The following SLC5A1 variants were observed in gnomAD, a reference collection of about 807,000 sequenced individuals.
SLC5A1 encodes solute carrier family 5 member 1.
In SLC5A1, 42 loss-of-function variants were observed where a neutral mutation model predicts 73.5. The ratio of observed to expected loss-of-function variants is 0.57; its 90% CI spans 0.45 to 0.74. SLC5A1 has a LOEUF of 0.74. Among genes scored for constraint, SLC5A1 ranks in the 30% least tolerant of loss-of-function variants. The probability of loss-of-function intolerance (pLI) is 0.00; values close to 1 mark genes in which losing one functional copy is unlikely to be tolerated. For synonymous variants in SLC5A1, 300 were observed against 317.4 expected, an observed-to-expected ratio of 0.95 and a Z score of 0.58; for missense variants, 634 against 855.4, an observed-to-expected ratio of 0.74 and a Z score of 3.23.
chr22:32,083,594 G>A (rs1235833423), intron 7 of SLC5A1, among the ~76,000 whole-genome samples: 1 of 151,778 alleles, frequency 6.6e-6, no homozygotes, highest in Non-Finnish European at 1.5e-5. Context: ...GATAGTGGGT[G>A]ATAATGTTCC....
At chr22:32,105,379 C>T (rs960572426) in intron 14 of SLC5A1, among the ~76,000 whole-genome samples, 1 of 151,312 alleles carries the variant, frequency 6.6e-6, no homozygotes, top group Non-Finnish European at 1.5e-5. Flanking sequence ...CTGCAACCTC[C>T]ACCTCCTGGG....
chr22:32,107,560 A>T (rs2094048524), intron 14 of SLC5A1, among the ~76,000 whole-genome samples: 2 of 152,232 alleles, frequency 1.3e-5, no homozygotes, highest in African/African-American at 2.4e-5. Flanking sequence ...CTCTGCTGTA[A>T]GAATTGTCTA....
chr22:32,056,942 A>G (rs1287944664), intron 2 of SLC5A1, among the ~76,000 whole-genome samples: 8 of 152,232 alleles, frequency 5.3e-5, no homozygotes, highest in African/African-American at 1.9e-4. Flanking sequence ...TTTGTGGAGC[A>G]AAACTTTCTT....
At chr22:32,071,808 T>C (rs1331783443) in intron 5 of SLC5A1, among the ~76,000 whole-genome samples, 1 of 152,148 alleles carries the variant, frequency 6.6e-6, no homozygotes, top group Non-Finnish European at 1.5e-5. Context: ...TCTAGCTAGG[T>C]AGGGTTCTGA....
At chr22:32,066,107 T>C (rs2093972564) in intron 2 of SLC5A1, among the ~76,000 whole-genome samples, 1 of 152,230 alleles carries the variant, frequency 6.6e-6, no homozygotes, top group Non-Finnish European at 1.5e-5. Flanking sequence ...GATCCCTCTC[T>C]TGCTTTACCT....
intron 2 of SLC5A1, among the ~76,000 whole-genome samples, chr22:32,058,330 T>G (rs921952165): frequency 6.6e-6 from 1 of 152,226 alleles, no homozygotes; most frequent in Non-Finnish European, 1.5e-5. Context: ...GAGACCAGCC[T>G]AGTCAATATA....
chr22:32,110,475 G>C lies in SLC5A1; in HGVS notation c.*262G>C, dbSNP rs200580448. 3.8e-6 allele frequency: 2 copies of C among 523,410 alleles called. No homozygotes were observed. Among genetic ancestry groups the C allele is most frequent in the Non-Finnish European group, 6.9e-6 (2 of 288,002 alleles). The allele number at this position is 523,410 out of a possible 1,614,324, so 32.4% of individuals were successfully genotyped here. On this transcript the variant is annotated 3_prime_UTR_variant, in exon 15 of 15. Coordinates refer to ENST00000266088, the MANE Select transcript of SLC5A1 (RefSeq NM_000343.4). ...ACTCAGTCACATCCAGAAAAAGGCA[G>C]ACTAAGAATCAGAAGCCATGTGATT...
intron 9 of SLC5A1, among the ~76,000 whole-genome samples, chr22:32,085,440 T>A (rs1205044657): frequency 1.3e-5 from 2 of 152,128 alleles, no homozygotes; most frequent in Non-Finnish European, 2.9e-5. Context: ...TCTTTATTTG[T>A]TATGGTCATA....
chr22:32,088,400 G>A (rs566643241), intron 10 of SLC5A1, among the ~76,000 whole-genome samples: 23 of 148,198 alleles, frequency 1.6e-4, no homozygotes, highest in African/African-American at 5.7e-4. Context: ...GCAATGGCGT[G>A]ATCTCAGCTC....
intron 10 of SLC5A1, among the ~76,000 whole-genome samples, chr22:32,087,090 C>T (rs1003567021): frequency 1.3e-5 from 2 of 152,106 alleles, no homozygotes; most frequent in East Asian, 3.9e-4. Flanking sequence ...ATGGTGGTTA[C>T]TAGGGGTTGG....
chr22:32,102,035 G>A lies in SLC5A1; in HGVS notation c.1463G>A (p.Gly488Glu), dbSNP rs1335020571. The change falls in exon 13 of 15, where the codon GGA (glycine) becomes GAA (glutamate). Residue 488 changes from glycine to glutamate, a missense_variant. Coordinates refer to ENST00000266088, the MANE Select transcript of SLC5A1 (RefSeq NM_000343.4). ...KRVNEPGAFWGLILGLLIGIS... is the reference protein window; with the variant it reads ...KRVNEPGAFWELILGLLIGIS... ...TTTCTTTCACAGGGAGCCTTTTGGG[G>A]ACTGATCCTAGGACTTCTGATTGGG... 4.3e-6 allele frequency: 7 copies of A among 1,613,826 alleles called. No individual in the cohort carries two copies. Among genetic ancestry groups the A allele is most frequent in the Non-Finnish European group, 5.9e-6 (7 of 1,179,890 alleles).
chr22:32,108,292 G>A (rs923078280), intron 14 of SLC5A1, among the ~76,000 whole-genome samples: 3 of 151,876 alleles, frequency 2.0e-5, no homozygotes, highest in Non-Finnish European at 2.9e-5. Context: ...TAGTAGAGAC[G>A]GAGCTTCACC....
rs187892652 is a variant in SLC5A1 at position 32,048,922 on chromosome 22, T to G, written c.136-1021T>G. Among the ~76,000 whole-genome samples, 9 of 151,618 alleles carry G rather than the reference T, an allele frequency of 5.9e-5. No individual in the cohort carries two copies. The East Asian group carries it at 1.6e-3, about 26-fold the overall frequency. On this transcript the variant is annotated intron_variant, in intron 1 of 14. Transcript: ENST00000266088. Reference sequence around the variant, plus strand: ...CAGTCTCTACTAAAAATACAAAAATTAGCTGGGCGTAGTAGCACATGCCTG... The same window carrying G: ...CAGTCTCTACTAAAAATACAAAAATGAGCTGGGCGTAGTAGCACATGCCTG...
At position 32,074,370 on chromosome 22, in the gene SLC5A1, A is replaced by T. The variant is rs187884170; in HGVS notation, c.477+5770A>T. ...TGAGGGACAGCCTCTTTCAGCTCAG[A>T]TCTGGATGGAGCCCATCCCCGAGGA... On this transcript the variant is annotated intron_variant, in intron 5 of 14. Transcript: ENST00000266088. Among the ~76,000 whole-genome samples, 414 of 152,318 alleles carry T rather than the reference A, an allele frequency of 2.7e-3. 3 individuals are homozygous for T. The highest frequency in any genetic ancestry group is 9.2e-3 in the African/African-American group (384 of 41,574).
intron 14 of SLC5A1, among the ~76,000 whole-genome samples, chr22:32,105,927 T>C (rs1420241231): frequency 6.6e-6 from 1 of 152,226 alleles, no homozygotes. Flanking sequence ...CATTCTTTCT[T>C]TATGGCTGAA....
Position 32,111,332 on chromosome 22 carries a change from G to A in SLC5A1, c.*1119G>A, listed in dbSNP as rs1304785272. On this transcript the variant is annotated 3_prime_UTR_variant, in exon 15 of 15. Coordinates refer to ENST00000266088, the MANE Select transcript of SLC5A1 (RefSeq NM_000343.4). Reference sequence around the variant, plus strand: ...CTTCCGTGGCCTTCCTTTTGTCTGTGTCCTAAATCTACTCTTCTGATAAGG... The same window carrying A: ...CTTCCGTGGCCTTCCTTTTGTCTGTATCCTAAATCTACTCTTCTGATAAGG... 1.3e-5 allele frequency: 2 copies of A among 152,108 alleles called. No individual in the cohort carries two copies. Among genetic ancestry groups the A allele is most frequent in the South Asian group, 2.1e-4 (1 of 4,820 alleles). 9.4% of individuals were successfully genotyped at this position (152,108 alleles called of 1,614,324 possible). A position where few individuals can be genotyped will look rare whatever the true frequency, so the allele number is the denominator to read the frequency against.
At chr22:32,099,078 C>A (rs1344765424) in intron 11 of SLC5A1, 105 bp from the exon 12 acceptor site, 1 of 172,614 alleles carries the variant, frequency 5.8e-6, no homozygotes, top group Non-Finnish European at 8.5e-6. Flanking sequence ...GAGCAAGACT[C>A]TGTCTCAAAA....
At chr22:32,094,934 G>A (rs2094023908) in intron 11 of SLC5A1, among the ~76,000 whole-genome samples, 1 of 151,804 alleles carries the variant, frequency 6.6e-6, no homozygotes, top group African/African-American at 2.4e-5. Flanking sequence ...TGTGACCTTA[G>A]ATTGTCTATT....
chr22:32,060,197 ATATT>A (rs747264543), intron 2 of SLC5A1, among the ~76,000 whole-genome samples: 3 of 126,748 alleles, frequency 2.4e-5, no homozygotes, highest in Non-Finnish European at 5.1e-5. Flanking sequence ...ATATATATAT[ATATT>A]TTTTTAAGAG....
Sources: gnomAD v4.1 joint callset for allele counts (sites outside exome capture counted in the v4.1 genomes callset) on GRCh38, gnomAD v4.1.1 for gene constraint, MANE v1.5 for transcripts, NCBI Gene and HGNC (gene_info 2026-07-23, HGNC 2026-07-21) for gene names.